MECOM: variants seen among roughly 807,000 people sequenced by gnomAD.
The protein encoded by MECOM is histone-lysine N-methyltransferase MECOM.
Under a neutral mutation model 116.3 loss-of-function variants are expected in MECOM, and 13 were observed. That is an observed-to-expected ratio of 0.11 (90% CI 0.07 to 0.18). The LOEUF (loss-of-function observed/expected upper bound fraction) is 0.18, where lower values mean the gene tolerates loss of function less well. Among genes scored for constraint, MECOM ranks in the 10% least tolerant of loss-of-function variants. MECOM has a pLI of 1.00. For synonymous variants in MECOM, 528 were observed against 535.2 expected, an observed-to-expected ratio of 0.99 and a Z score of 0.19; for missense variants, 1,299 against 1,509.0, an observed-to-expected ratio of 0.86 and a Z score of 2.31.
chr3:169,481,073 C>T (rs1448528506), intron 1 of MECOM, among the ~76,000 whole-genome samples: 1 of 152,020 alleles, frequency 6.6e-6, no homozygotes, highest in African/African-American at 2.4e-5. Flanking sequence ...AAATAAATAA[C>T]ACCTGCCCCC....
rs181526984 is a variant in MECOM, at chr3:169,594,617, C to A, written c.37+68719G>T. On this transcript the variant is annotated intron_variant, in intron 1 of 16. Transcript: ENST00000651503. ...ATTAGTCCTTCTCAAGTCTGAGCCT[C>A]CTCTGCTTGGGGAAATGGGAAGAGG... Among the ~76,000 whole-genome samples, 595 of 151,618 alleles carry A rather than the reference C, an allele frequency of 3.9e-3. 2 individuals carry two copies. The highest frequency in any genetic ancestry group is 6.8e-3 in the Middle Eastern group (2 of 294).
chr3:169,332,883 A>C (rs896812561), intron 2 of MECOM, among the ~76,000 whole-genome samples: 9 of 152,300 alleles, frequency 5.9e-5, no homozygotes, highest in Admixed American at 3.3e-4. Flanking sequence ...AACCAAGTCT[A>C]TGCTAACCCA....
chr3:169,376,516 G>A (rs1235767112), intron 2 of MECOM, among the ~76,000 whole-genome samples: 1 of 152,140 alleles, frequency 6.6e-6, no homozygotes, highest in African/African-American at 2.4e-5. Flanking sequence ...AAAATCACAA[G>A]CATTCCTATA....
At chr3:169,216,755 A>G (rs1751471173) in intron 2 of MECOM, among the ~76,000 whole-genome samples, 1 of 152,184 alleles carries the variant, frequency 6.6e-6, no homozygotes. Context: ...AAATTATGAA[A>G]ATGCAATCTT....
intron 1 of MECOM, among the ~76,000 whole-genome samples, chr3:169,649,832 T>A (rs1248108161): frequency 6.6e-6 from 1 of 152,204 alleles, no homozygotes; most frequent in African/African-American, 2.4e-5. Flanking sequence ...ATATGAATAA[T>A]TTTAATTCCT....
chr3:169,345,871 C>T (rs1725257674), intron 2 of MECOM, among the ~76,000 whole-genome samples: 1 of 152,208 alleles, frequency 6.6e-6, no homozygotes, highest in South Asian at 2.1e-4. Context: ...TATCTGCATA[C>T]ACCTCTGTGC....
intron 2 of MECOM, among the ~76,000 whole-genome samples, chr3:169,203,806 G>A (rs1430703047): frequency 6.6e-6 from 1 of 152,138 alleles, no homozygotes; most frequent in Admixed American, 6.6e-5. Flanking sequence ...TTGGGAGAAT[G>A]AGCCTTGTCA....
chr3:169,461,975 G>A (rs1747526475), intron 1 of MECOM, among the ~76,000 whole-genome samples: 1 of 152,092 alleles, frequency 6.6e-6, no homozygotes, highest in African/African-American at 2.4e-5. Flanking sequence ...CTTCATCTTT[G>A]TTATATAACT....
intron 2 of MECOM, among the ~76,000 whole-genome samples, chr3:169,375,502 C>T (rs1018770510): frequency 6.6e-6 from 1 of 152,024 alleles, no homozygotes; most frequent in African/African-American, 2.4e-5. Flanking sequence ...GGGCATATCA[C>T]CACTAATCCC....
chr3:169,617,357 A>G (rs1429251787), intron 1 of MECOM, among the ~76,000 whole-genome samples: 1 of 152,230 alleles, frequency 6.6e-6, no homozygotes, highest in Non-Finnish European at 1.5e-5. Context: ...CCTGACTTCA[A>G]TGTTTACATA....
chr3:169,210,975 A>G (rs972508845), intron 2 of MECOM, among the ~76,000 whole-genome samples: 1 of 152,158 alleles, frequency 6.6e-6, no homozygotes. Context: ...AGTCTTGTTT[A>G]TTCTAGTACA....
intron 2 of MECOM, among the ~76,000 whole-genome samples, chr3:169,345,333 C>T (rs1879796): frequency 0.38 from 58,318 of 151,814 alleles, 12,945 homozygotes; most frequent in East Asian, 0.62. Context: ...CCTAAGACTT[C>T]CAGGGATAGG....
In MECOM at chr3:169,115,722, G is replaced by A. The variant is rs1169063502; in HGVS notation, c.2150C>T (p.Ser717Leu). 6.8e-6 allele frequency: 11 copies of A among 1,614,130 alleles called. No individual in the cohort carries two copies. The Middle Eastern group carries it at 6.6e-4, about 97-fold the overall frequency. The change falls in exon 8 of 17, where the codon TCG becomes TTG. Residue 717 changes from serine (S) to leucine (L), a missense_variant. Ser to Leu is a moderately radical substitution (Grantham distance 145). Transcript: ENST00000651503. The stretch of plus-strand genomic sequence containing the variant: ...TTGGGGTTCCATTTTCAAAGGTAAC[G>A]ATCTCAAGTCTCTATCAGGAAATGG... ...MYPFPDRDLR[S>L]LPLKMEPQSP...
chr3:169,278,776 A>G lies in MECOM; in HGVS notation c.375+102411T>C, dbSNP rs78457824. On this transcript the variant is annotated intron_variant, in intron 2 of 16. Coordinates refer to ENST00000651503, the MANE Select transcript of MECOM (RefSeq NM_004991.4). ...AGGGAGCAATGAAGGTTCCTGATGC[A>G]TGACGAACTCAAGCTCCTTCTGGTC... is the stretch of plus-strand genomic sequence containing the variant. Among the ~76,000 whole-genome samples, 1,375 of 152,358 alleles carry G rather than the reference A, an allele frequency of 9.0e-3. 8 individuals carry two copies. The highest frequency in any genetic ancestry group is 0.014 in the Non-Finnish European group (973 of 68,038).
At chr3:169,569,129 A>G (rs2109426792) in intron 1 of MECOM, among the ~76,000 whole-genome samples, 1 of 152,246 alleles carries the variant, frequency 6.6e-6, no homozygotes, top group Non-Finnish European at 1.5e-5. Context: ...TAGGCTCAAA[A>G]TAAAGGGATG....
At chr3:169,153,692 G>A (rs1312953644) in intron 2 of MECOM, among the ~76,000 whole-genome samples, 2 of 152,134 alleles carry the variant, frequency 1.3e-5, no homozygotes, top group African/African-American at 4.8e-5. Context: ...TTGGAAGCTT[G>A]ATTTTCCTCC....
chr3:169,619,286 G>T (rs1232651477), intron 1 of MECOM, among the ~76,000 whole-genome samples: 2 of 152,306 alleles, frequency 1.3e-5, no homozygotes, highest in East Asian at 3.9e-4. Flanking sequence ...AGAGAGCCAG[G>T]GGAGGGATTA....
At chr3:169,280,913 T>C (rs565353190) in intron 2 of MECOM, among the ~76,000 whole-genome samples, 129 of 152,276 alleles carry the variant, frequency 8.5e-4, no homozygotes, top group Non-Finnish European at 1.5e-3. Context: ...GAGAACATAT[T>C]TGAGAGAAGT....
chr3:169,121,316 T>C, intron 6 of MECOM, 107 bp from the exon 7 acceptor site: 1 of 1,238,346 alleles, frequency 8.1e-7, no homozygotes, highest in Non-Finnish European at 1.1e-6. Context: ...TTTGTTTTTC[T>C]TTTCCCCAAA....
Sources: gnomAD v4.1 joint callset for allele counts (sites outside exome capture counted in the v4.1 genomes callset) on GRCh38, gnomAD v4.1.1 for gene constraint, MANE v1.5 for transcripts, NCBI Gene and HGNC (gene_info 2026-07-23, HGNC 2026-07-21) for gene names.